PCDHGA1: variants seen among roughly 807,000 people sequenced by gnomAD.
PCDHGA1 encodes protocadherin gamma subfamily A, 1.
In PCDHGA1, 32 loss-of-function variants were observed where a neutral mutation model predicts 58.0. The observed-to-expected ratio is 0.55, with a 90% CI of 0.42 to 0.74. The LOEUF (loss-of-function observed/expected upper bound fraction) is 0.74. Ranked by LOEUF, PCDHGA1 falls within the 30% of genes least tolerant of loss-of-function variation. The probability of loss-of-function intolerance (pLI) is 0.00; values close to 1 mark genes in which losing one functional copy is unlikely to be tolerated. For missense variants in PCDHGA1, 1,205 were observed against 1,182.3 expected (o/e 1.02, Z -0.28); for synonymous variants, 498 against 501.1 (o/e 0.99, Z 0.08).
chr5:141,340,858 G>T, intron 1 of PCDHGA1: 1 of 1,613,588 alleles, frequency 6.2e-7, no homozygotes. Context: ...TGCGCACGGC[G>T]CGAGCCCTGC....
intron 1 of PCDHGA1, chr5:141,399,894 C>T (rs201911174): frequency 1.9e-6 from 3 of 1,612,570 alleles, no homozygotes; most frequent in Non-Finnish European, 2.5e-6. Context: ...AGGTAGTGGC[C>T]GTGGACGCAG....
chr5:141,419,455 G>A lies in PCDHGA1; in HGVS notation c.2422-75352G>A, dbSNP rs770156844. 8.1e-6 allele frequency: 13 copies of A among 1,612,598 alleles called. No homozygotes were observed. The African/African-American group carries it at 1.7e-4, about 22-fold the overall frequency. ...AGCTGCGCACCTTCGAGCTCACGCT[G>A]CAGGCCCGCGACCAGGGCTCGCCCG... is the stretch of plus-strand genomic sequence containing the variant. On this transcript the variant is annotated intron_variant, in intron 1 of 3. Coordinates refer to ENST00000517417, the MANE Select transcript of PCDHGA1 (RefSeq NM_018912.3).
chr5:141,351,013 C>A (rs767340665), intron 1 of PCDHGA1: 1 of 1,614,062 alleles, frequency 6.2e-7, no homozygotes, highest in East Asian at 2.2e-5. Flanking sequence ...TCCAAGAAAA[C>A]GTACCGTGGG....
intron 1 of PCDHGA1, among the ~76,000 whole-genome samples, chr5:141,470,483 G>T (rs1163257164): frequency 6.6e-6 from 1 of 152,112 alleles, no homozygotes; most frequent in African/African-American, 2.4e-5. Context: ...CTAACCCTCT[G>T]GGAATAATAT....
rs562156266 is a variant in PCDHGA1, at chr5:141,467,826, T to C, written c.2422-26981T>C. On this transcript the variant is annotated intron_variant, in intron 1 of 3. Transcript: ENST00000517417. ...GGCACATGCCACCACACCAGGCTGA[T>C]TTTTATATTTTTTTGTAGAATGAGA... Among the ~76,000 whole-genome samples, 96 of 151,894 alleles carry C rather than the reference T, an allele frequency of 6.3e-4. 3 individuals carry two copies. Among genetic ancestry groups the C allele is most frequent in the Admixed American group, 6.2e-3 (95 of 15,236 alleles).
At chr5:141,418,130 G>A in intron 1 of PCDHGA1, 3 of 1,614,106 alleles carry the variant, frequency 1.9e-6, no homozygotes, top group Non-Finnish European at 2.5e-6. Flanking sequence ...GGACCGAATA[G>A]ACCGTGAGCA....
At chr5:141,433,837 C>CAAAA (rs56191208) in intron 1 of PCDHGA1, among the ~76,000 whole-genome samples, 6 of 111,700 alleles carry the variant, frequency 5.4e-5, no homozygotes, top group African/African-American at 1.9e-4. Flanking sequence ...AACTCTATCT[C>CAAAA]AAAAAAAAAA....
chr5:141,490,517 C>T lies in PCDHGA1; in HGVS notation c.2422-4290C>T. 6.2e-7 allele frequency: 1 copy of T among 1,613,972 alleles called. No homozygotes were observed. The highest frequency in any genetic ancestry group is 2.2e-5 in the East Asian group (1 of 44,854). ...TCCCACTATATCATCGAGCTGCTGG[C>T]CAGCGATGCTGGTTCACCTTCCCTA... On this transcript the variant is annotated intron_variant, in intron 1 of 3. Coordinates refer to ENST00000517417, the MANE Select transcript of PCDHGA1 (RefSeq NM_018912.3). The surrounding 1 kb of genome is among the most constrained non-coding windows in gnomAD (Gnocchi z 5.4).
Position 141,432,267 on chromosome 5 carries a change from C to T in PCDHGA1, c.2422-62540C>T, listed in dbSNP as rs746089276. 4.3e-6 allele frequency: 7 copies of T among 1,614,244 alleles called. No homozygotes were observed. On this transcript the variant is annotated intron_variant, in intron 1 of 3. Transcript: ENST00000517417. The surrounding 1 kb of genome is among the most constrained non-coding windows in gnomAD (Gnocchi z 6.0). ...ACCATCCAAGGGGCAAGCCTATCGT[C>T]CTACGTGTCCATCAACTCCGACACT...
At chr5:141,478,305 C>G in intron 1 of PCDHGA1, 1 of 1,614,092 alleles carries the variant, frequency 6.2e-7, no homozygotes, top group Non-Finnish European at 8.5e-7. Context: ...TACCGAGCCC[C>G]GGTGAGCTCA....
intron 1 of PCDHGA1, chr5:141,394,056 G>C (rs776550132): frequency 6.2e-7 from 1 of 1,613,734 alleles, no homozygotes; most frequent in Non-Finnish European, 8.5e-7. Flanking sequence ...CCGAGAAAAT[G>C]TCTCTATCTA....
At chr5:141,372,209 C>T (rs1768496951) in intron 1 of PCDHGA1, 2 of 1,613,638 alleles carry the variant, frequency 1.2e-6, no homozygotes, top group Non-Finnish European at 1.7e-6. Context: ...CCTGGCTGTC[C>T]TACCACATTG....
At chr5:141,452,760 G>C (rs920853226) in intron 1 of PCDHGA1, among the ~76,000 whole-genome samples, 1 of 152,120 alleles carries the variant, frequency 6.6e-6, no homozygotes, top group African/African-American at 2.4e-5. Context: ...AAGGAAGGGA[G>C]GGAGGGAAAA....
chr5:141,432,369 A>G lies in PCDHGA1; in HGVS notation c.2422-62438A>G. 6.2e-7 allele frequency: 1 copy of G among 1,614,222 alleles called. No homozygotes were observed. The highest frequency in any genetic ancestry group is 1.1e-5 in the South Asian group (1 of 91,084). ...CAAGTGAAAGTGATGGCGCGGGACA[A>G]CGGGCACCCGCCCCTCAGCAGCAAC... On this transcript the variant is annotated intron_variant, in intron 1 of 3. Coordinates refer to ENST00000517417, the MANE Select transcript of PCDHGA1 (RefSeq NM_018912.3). The surrounding 1 kb of genome is among the most constrained non-coding windows in gnomAD (Gnocchi z 6.0).
At chr5:141,470,795 C>T (rs947636574) in intron 1 of PCDHGA1, among the ~76,000 whole-genome samples, 2 of 152,182 alleles carry the variant, frequency 1.3e-5, no homozygotes, top group Non-Finnish European at 2.9e-5. Context: ...TCAAGCAATC[C>T]TCCCACTTCA....
intron 1 of PCDHGA1, chr5:141,372,290 G>A (rs1437600694): frequency 1.9e-6 from 3 of 1,613,282 alleles, no homozygotes; most frequent in Non-Finnish European, 2.5e-6. Context: ...CGCGTACCTT[G>A]GGCGACAGGG....
chr5:141,391,134 C>T (rs2092305385), intron 1 of PCDHGA1: 1 of 152,118 alleles, frequency 6.6e-6, no homozygotes, highest in African/African-American at 2.4e-5. Context: ...TAATCATTCT[C>T]CTACCTCTAG....
rs540147412 is a variant in PCDHGA1 at position 141,381,240 on chromosome 5, G to A, written c.2421+48135G>A. 4.6e-5 allele frequency among the ~76,000 whole-genome samples: 7 copies of A among 152,318 alleles called. No homozygotes were observed. The South Asian group carries it at 1.4e-3, about 32-fold the overall frequency. ...TCCTGGTTCCACCAACTACTCTCCA[G>A]GACCTAGAAGAATTTACAAACCAAG... On this transcript the variant is annotated intron_variant, in intron 1 of 3. Coordinates refer to ENST00000517417, the MANE Select transcript of PCDHGA1 (RefSeq NM_018912.3).
chr5:141,375,539 CAA>C lies in PCDHGA1; in HGVS notation c.2421+42435_2421+42436del, dbSNP rs761563017. The C allele has an allele frequency of 1.7e-5, 28 of 1,613,986 alleles. No homozygotes were observed. The East Asian group carries it at 6.0e-4, about 35-fold the overall frequency. On this transcript the variant is annotated intron_variant, in intron 1 of 3. Transcript: ENST00000517417. ...GGACCCTGACGTGGACCAGAACGCC[CAA>C]GTCTCCTACTCACTGGCAGAAGACA...
Sources: gnomAD v4.1 joint callset for allele counts (sites outside exome capture counted in the v4.1 genomes callset) on GRCh38, gnomAD v4.1.1 for gene constraint, Gnocchi (gnomAD v3.1) non-coding constraint, MANE v1.5 for transcripts, NCBI Gene and HGNC (gene_info 2026-07-23, HGNC 2026-07-21) for gene names.